The following TDRD6 variants were observed in gnomAD, a reference collection of about 807,000 sequenced individuals.
TDRD6 encodes the protein tudor domain-containing protein 6.
In TDRD6, 186 loss-of-function variants were observed where a neutral mutation model predicts 157.5. The ratio of observed to expected loss-of-function variants is 1.18; its 90% CI spans 1.05 to 1.33. The LOEUF (loss-of-function observed/expected upper bound fraction) is 1.33. TDRD6 is among the 40% of genes most tolerant of loss of function. The probability of loss-of-function intolerance (pLI) is 0.00; values close to 1 mark genes in which losing one functional copy is unlikely to be tolerated. For synonymous variants in TDRD6, 1,075 were observed against 945.2 expected (o/e 1.14, Z -2.52); for missense variants, 3,066 against 2,508.0 (o/e 1.22, Z -4.75).
At position 46,693,386 on chromosome 6, in the gene TDRD6, T is replaced by C; in HGVS notation, c.5258T>C (p.Ile1753Thr). 4 of 1,612,480 alleles carry C rather than the reference T, an allele frequency of 2.5e-6. No homozygotes were observed. The highest frequency in any genetic ancestry group is 2.5e-6 in the Non-Finnish European group (3 of 1,179,642). The change falls in exon 1 of 4, where the codon ATA becomes ACA. Residue 1753 changes from isoleucine (I) to threonine (T), a missense_variant. Physicochemically the swap from Ile to Thr is moderately conservative, Grantham distance 89. Coordinates refer to ENST00000316081, the MANE Select transcript of TDRD6 (RefSeq NM_001010870.3). ...MEQQTDELAE[I>T]TEKDVNIIGT... ...CAACAGACAGATGAGCTTGCTGAAA[T>C]AACTGAAAAAGATGTAAACATTATT...
At chr6:46,697,849 C>T (rs1201117984) in intron 2 of TDRD6, 149 bp from the exon 3 acceptor site, 4 of 377,040 alleles carry the variant, frequency 1.1e-5, no homozygotes, top group East Asian at 8.1e-5. Flanking sequence ...GATCCTGCCA[C>T]TGCCCTCCAT....
rs1764651172 is a variant in TDRD6, at chr6:46,702,584, C to G, written c.*697C>G. On this transcript the variant is annotated 3_prime_UTR_variant, in exon 4 of 4. Transcript: ENST00000316081. ...CTTATACTTTAAATGCATTTTTTCA[C>G]TTTATTCATCAACTTTGAAGTGCAT... The G allele has an allele frequency of 6.6e-6, 1 of 152,006 alleles. No homozygotes were observed. Among genetic ancestry groups the G allele is most frequent in the South Asian group, 2.1e-4 (1 of 4,830 alleles). The allele number at this position is 152,006 out of a possible 1,614,324, so 9.4% of individuals were successfully genotyped here.
rs751443511 is a variant in TDRD6 at position 46,691,374 on chromosome 6, T to C, written c.3246T>C (p.Pro1082=). ...CAAGTGATGATCTGCTTCCAATACC[T>C]AGTGATGCATATGATGTCTTACTTT... ...VVTSDDLLPI[P]SDAYDVLLLP... The change falls in exon 1 of 4, where the codon CCT becomes CCC. Residue 1082 remains proline (P), a synonymous_variant. Transcript: ENST00000316081. The C allele has an allele frequency of 5.0e-6, 8 of 1,614,032 alleles. No homozygotes were observed. The South Asian group carries it at 7.7e-5, about 16-fold the overall frequency.
chr6:46,690,153 A>G lies in TDRD6; in HGVS notation c.2025A>G (p.Glu675=), dbSNP rs1764265642. 1 of 1,613,430 alleles carries G rather than the reference A, an allele frequency of 6.2e-7. No individual in the cohort carries two copies. The highest frequency in any genetic ancestry group is 2.2e-5 in the East Asian group (1 of 44,862). Reference sequence around the variant, plus strand: ...AGTATCAGGAATTTGAAACAAAGGAAAATATCCTGGTAAATGCCCACTCCC... The same window carrying G: ...AGTATCAGGAATTTGAAACAAAGGAGAATATCCTGGTAAATGCCCACTCCC... ...YAKYQEFETK[E]NILVNAHSPG... Residue 675 remains glutamate, a synonymous_variant, in exon 1 of 4, where the codon GAA becomes GAG. Coordinates refer to ENST00000316081, the MANE Select transcript of TDRD6 (RefSeq NM_001010870.3).
rs754670553 is a variant in TDRD6, at chr6:46,688,783, A to G, written c.655A>G (p.Ser219Gly). The G allele has an allele frequency of 6.2e-7, 1 of 1,609,346 alleles. No individual in the cohort carries two copies. Among genetic ancestry groups the G allele is most frequent in the East Asian group, 2.2e-5 (1 of 44,854 alleles). ...LERYLTAATASVGSGVPVLSR... is the reference protein window; with the variant it reads ...LERYLTAATAGVGSGVPVLSR... ...GCGCTATCTCACAGCGGCCACTGCT[A>G]GCGTGGGCTCCGGGGTCCCGGTTCT... is the stretch of plus-strand genomic sequence containing the variant. Residue 219 changes from serine to glycine, a missense_variant, in exon 1 of 4, where the codon AGC becomes GGC. Coordinates refer to ENST00000316081, the MANE Select transcript of TDRD6 (RefSeq NM_001010870.3).
In TDRD6 at chr6:46,689,333, G is replaced by A. The variant is rs1489625838; in HGVS notation, c.1205G>A (p.Gly402Asp). The change falls in exon 1 of 4, where the codon GGC (glycine) becomes GAC (aspartate). Residue 402 changes from glycine (G) to aspartate (D), a missense_variant. By Grantham distance (94) the Gly-to-Asp change is moderately conservative. Coordinates refer to ENST00000316081, the MANE Select transcript of TDRD6 (RefSeq NM_001010870.3). ...QVGDLKTLIL[G>D]KAVNAKIEFY... ...GGTGACCTGAAGACACTGATACTAG[G>A]CAAGGCAGTGAATGCAAAGATTGAA... 1 of 1,614,150 alleles carries A rather than the reference G, an allele frequency of 6.2e-7. No individual in the cohort carries two copies. Among genetic ancestry groups the A allele is most frequent in the Non-Finnish European group, 8.5e-7 (1 of 1,180,036 alleles).
In TDRD6 at chr6:46,692,906, G is replaced by T. The variant is rs367851298; in HGVS notation, c.4778G>T (p.Cys1593Phe). The T allele has an allele frequency of 5.6e-6, 9 of 1,613,994 alleles. No homozygotes were observed. The African/African-American group carries it at 1.2e-4, about 22-fold the overall frequency. ...HYYRALITNI[C>F]EDYLVSVRLV... ...TATAGGGCACTTATCACTAATATTT[G>T]TGAAGATTATCTTGTATCTGTCAGG... The change falls in exon 1 of 4, where the codon TGT becomes TTT. Residue 1593 changes from cysteine (C) to phenylalanine (F), a missense_variant. Coordinates refer to ENST00000316081, the MANE Select transcript of TDRD6 (RefSeq NM_001010870.3).
upstream of TDRD6, chr6:46,687,869 C>T: frequency 8.7e-6 from 4 of 458,818 alleles, no homozygotes; most frequent in South Asian, 1.2e-4. Context: ...GTGGCGGCGC[C>T]GAGTGAGGTA....
rs749874371 is a variant in TDRD6 at position 46,689,879 on chromosome 6, G to C, written c.1751G>C (p.Arg584Thr). 6.2e-7 allele frequency: 1 copy of C among 1,614,208 alleles called. No individual in the cohort carries two copies. The highest frequency in any genetic ancestry group is 8.5e-7 in the Non-Finnish European group (1 of 1,180,042). Residue 584 changes from arginine (R) to threonine (T), a missense_variant, in exon 1 of 4, where the codon AGG (arginine) becomes ACG (threonine). Arg to Thr is a moderately conservative substitution (Grantham distance 71). Transcript: ENST00000316081. ...NSENVDWYDV[R>T]MLLPQFRQLP... ...GAAAATGTGGACTGGTATGACGTAA[G>C]GATGCTGCTTCCTCAGTTTAGGCAG...
At position 46,688,056 on chromosome 6, in the gene TDRD6, G is replaced by A. The variant is rs1764154258; in HGVS notation, c.-73G>A. The stretch of plus-strand genomic sequence containing the variant: ...GTTTGGCTGGGACTCGCCTTCAGGC[G>A]GCGCGGAGGATTTCGAGGCCCTGAG... On this transcript the variant is annotated 5_prime_UTR_variant, in exon 1 of 4. Coordinates refer to ENST00000316081, the MANE Select transcript of TDRD6 (RefSeq NM_001010870.3). The A allele has an allele frequency of 1.4e-6, 2 of 1,397,038 alleles. No homozygotes were observed. The highest frequency in any genetic ancestry group is 2.9e-5 in the East Asian group (1 of 34,222). 86.5% of individuals were successfully genotyped at this position (1,397,038 alleles called of 1,614,324 possible). A position where few individuals can be genotyped will look rare whatever the true frequency, so the allele number is the denominator to read the frequency against.
chr6:46,688,553 G>C lies in TDRD6; in HGVS notation c.425G>C (p.Gly142Ala), dbSNP rs1204595801. ...AGLVPAGCGA[G>A]SGEPPQHWPA... is the part of the protein sequence containing the mutation. Reference sequence around the variant, plus strand: ...CTGGTGCCGGCAGGCTGCGGCGCGGGCTCAGGCGAGCCGCCGCAGCACTGG... The same window carrying C: ...CTGGTGCCGGCAGGCTGCGGCGCGGCCTCAGGCGAGCCGCCGCAGCACTGG... Residue 142 changes from glycine to alanine, a missense_variant, in exon 1 of 4, where the codon GGC (glycine) becomes GCC (alanine). By Grantham distance (60) the Gly-to-Ala change is moderately conservative. Transcript: ENST00000316081. The C allele has an allele frequency of 6.3e-7, 1 of 1,583,254 alleles. No homozygotes were observed. The highest frequency in any genetic ancestry group is 1.7e-5 in the Admixed American group (1 of 57,232).
At position 46,694,154 on chromosome 6, in the gene TDRD6, GT is replaced by G; in HGVS notation, c.6029del (p.Leu2010TyrfsTer15). 1.3e-6 allele frequency: 2 copies of G among 1,549,222 alleles called. No homozygotes were observed. The highest frequency in any genetic ancestry group is 1.7e-6 in the Non-Finnish European group (2 of 1,152,004). On this transcript the variant is annotated frameshift_variant, in exon 1 of 4. Transcript: ENST00000316081. LOFTEE classifies it high-confidence loss of function. ...AGTGATGGAAGCAAGCACAATAATG[GT>G]TTACCAGATCATATCTCAGGTATGT... is the stretch of plus-strand genomic sequence containing the variant. ...ESSDGSKHNNGLPDHISAQLQ... is the reference protein window; with the variant it reads ...ESSDGSKHNNXLPDHISAQLQ...
rs148828412 is a variant in TDRD6 at position 46,688,964 on chromosome 6, T to A, written c.836T>A (p.Leu279His). 10 of 1,613,040 alleles carry A rather than the reference T, an allele frequency of 6.2e-6. No homozygotes were observed. Among genetic ancestry groups the A allele is most frequent in the Admixed American group, 3.3e-5 (2 of 59,956 alleles). ...AGCGTCTCGCAGGAGATCCACCGCC[T>A]CTCCGAGAGCATGGCCCAGGTATAC... is the stretch of plus-strand genomic sequence containing the variant. ...LRSVSQEIHR[L>H]SESMAQVYRG... is the part of the protein sequence containing the mutation. The change falls in exon 1 of 4, where the codon CTC (leucine) becomes CAC (histidine). Residue 279 changes from leucine to histidine, a missense_variant. Physicochemically the swap from Leu to His is moderately conservative, Grantham distance 99. Transcript: ENST00000316081.
chr6:46,688,190 T>C lies in TDRD6; in HGVS notation c.62T>C (p.Val21Ala), dbSNP rs764950002. 27 of 1,549,604 alleles carry C rather than the reference T, an allele frequency of 1.7e-5. No homozygotes were observed. In the Middle Eastern group the frequency reaches 2.3e-3, roughly 132 times the overall value. Residue 21 changes from valine to alanine, a missense_variant, in exon 1 of 4, where the codon GTG becomes GCG. Coordinates refer to ENST00000316081, the MANE Select transcript of TDRD6 (RefSeq NM_001010870.3). ...TCGCTGGCCCTGCGGGTGTCCTTCG[T>C]GGACGTGCATCCCGATGTGATCCCG... ...GASLALRVSF[V>A]DVHPDVIPVQ...
Position 46,691,795 on chromosome 6 carries a change from G to A in TDRD6, c.3667G>A (p.Glu1223Lys), listed in dbSNP as rs993658383. Residue 1223 changes from glutamate to lysine, a missense_variant, in exon 1 of 4, where the codon GAA (glutamate) becomes AAA (lysine). Physicochemically the swap from Glu to Lys is moderately conservative, Grantham distance 56. Transcript: ENST00000316081. Reference protein sequence around the residue: ...YKPQINSSYKELKLLQSLTKT... With the variant: ...YKPQINSSYKKLKLLQSLTKT... ...ACCTCAGATCAACTCATCATACAAG[G>A]AACTCAAACTTTTACAAAGTTTAAC... 7 of 1,601,264 alleles carry A rather than the reference G, an allele frequency of 4.4e-6. No homozygotes were observed. The highest frequency in any genetic ancestry group is 1.4e-5 in the African/African-American group (1 of 73,864).
chr6:46,688,076 C>T lies in TDRD6; in HGVS notation c.-53C>T, dbSNP rs926261183. 6 of 1,424,782 alleles carry T rather than the reference C, an allele frequency of 4.2e-6. No individual in the cohort carries two copies. Among genetic ancestry groups the T allele is most frequent in the South Asian group, 1.5e-5 (1 of 68,014 alleles). 88.3% of individuals were successfully genotyped at this position (1,424,782 alleles called of 1,614,324 possible). A position where few individuals can be genotyped will look rare whatever the true frequency, so the allele number is the denominator to read the frequency against. On this transcript the variant is annotated 5_prime_UTR_variant, in exon 1 of 4. Coordinates refer to ENST00000316081, the MANE Select transcript of TDRD6 (RefSeq NM_001010870.3). ...CAGGCGGCGCGGAGGATTTCGAGGC[C>T]CTGAGGCGCGGCCCTTAATTTCCGG...
rs1306179246 is a variant in TDRD6 at position 46,690,956 on chromosome 6, C to A, written c.2828C>A (p.Pro943His). 6.2e-7 allele frequency: 1 copy of A among 1,613,970 alleles called. No individual in the cohort carries two copies. Among genetic ancestry groups the A allele is most frequent in the Admixed American group, 1.7e-5 (1 of 59,994 alleles). Residue 943 changes from proline to histidine, a missense_variant, in exon 1 of 4, where the codon CCC becomes CAC. Coordinates refer to ENST00000316081, the MANE Select transcript of TDRD6 (RefSeq NM_001010870.3). ...ELFNIVDLLT[P>H]FQSACHFLVE... ...TTTAACATTGTGGATTTGCTAACCC[C>A]CTTTCAGAGTGCATGCCATTTCTTG... is the stretch of plus-strand genomic sequence containing the variant.
intron 3 of TDRD6, among the ~76,000 whole-genome samples, chr6:46,698,639 G>A (rs997519582): frequency 6.6e-6 from 1 of 152,172 alleles, no homozygotes; most frequent in Admixed American, 6.5e-5. Context: ...TGGACTTCTT[G>A]AACTTCTCAC....
chr6:46,693,189 A>G lies in TDRD6; in HGVS notation c.5061A>G (p.Lys1687=). 1 of 1,608,818 alleles carries G rather than the reference A, an allele frequency of 6.2e-7. No homozygotes were observed. Among genetic ancestry groups the G allele is most frequent in the East Asian group, 2.2e-5 (1 of 44,798 alleles). The change falls in exon 1 of 4, where the codon AAA becomes AAG. Residue 1687 remains lysine, a synonymous_variant. Transcript: ENST00000316081. ...IPLAIVDLKS[K]GKSINEKMEK... ...TAGCAATTGTTGACTTGAAAAGCAA[A>G]GGTAAAAGTATTAATGAGAAAATGG... is the stretch of plus-strand genomic sequence containing the variant.
Sources: allele counts gnomAD v4.1 joint callset (sites outside exome capture counted in the v4.1 genomes callset), GRCh38; gene constraint gnomAD v4.1.1; transcripts MANE v1.5; gene names NCBI Gene and HGNC (gene_info 2026-07-23, HGNC 2026-07-21).